Variants in ABL1 observed in about 807,000 individuals in gnomAD.
ABL1 encodes the protein ABL proto-oncogene 1, non-receptor tyrosine kinase, also known as tyrosine-protein kinase ABL1.
A neutral mutation model predicts 94.7 loss-of-function variants in ABL1; 11 were observed. That is an observed-to-expected ratio of 0.12 (90% CI 0.07 to 0.19). The LOEUF (loss-of-function observed/expected upper bound fraction) is 0.19. Ranked by LOEUF, ABL1 falls within the 10% of genes least tolerant of loss-of-function variation. The probability of loss-of-function intolerance (pLI) is 1.00; values close to 1 mark genes in which losing one functional copy is unlikely to be tolerated. For synonymous variants in ABL1, 656 were observed against 622.4 expected, an observed-to-expected ratio of 1.05 and a Z score of -0.80; for missense variants, 1,082 against 1,489.4, an observed-to-expected ratio of 0.73 and a Z score of 4.50.
chr9:130,857,722 A>C (rs182141357), intron 3 of ABL1, among the ~76,000 whole-genome samples: 1 of 151,768 alleles, frequency 6.6e-6, no homozygotes, highest in African/African-American at 2.4e-5. Context: ...TTTTCTTCAC[A>C]TCCCAAAGTC....
At chr9:130,753,483 TG>T (rs1451856866) in intron 1 of ABL1, among the ~76,000 whole-genome samples, 1 of 139,298 alleles carries the variant, frequency 7.2e-6, no homozygotes, top group African/African-American at 2.7e-5. Flanking sequence ...TGGAGTGCAG[TG>T]GTGCAATCTT....
intron 1 of ABL1, among the ~76,000 whole-genome samples, chr9:130,837,844 G>A (rs1029016142): frequency 6.6e-6 from 1 of 152,166 alleles, no homozygotes; most frequent in Non-Finnish European, 1.5e-5. Context: ...AATCAGTGTC[G>A]ATCAGTCAGT....
intron 1 of ABL1, among the ~76,000 whole-genome samples, chr9:130,825,981 G>A (rs570098905): frequency 2.8e-4 from 42 of 152,176 alleles, no homozygotes; most frequent in Non-Finnish European, 4.0e-4. Context: ...GTACCTAGTA[G>A]GTGTCATGTC....
intron 4 of ABL1, among the ~76,000 whole-genome samples, chr9:130,869,630 A>G (rs1831219190): frequency 6.6e-6 from 1 of 152,242 alleles, no homozygotes; most frequent in South Asian, 2.1e-4. Flanking sequence ...GACCAGGCTG[A>G]AAATTCATAG....
rs766806729 is a variant in ABL1 at position 130,884,890 on chromosome 9, A to G, written c.2600A>G (p.Lys867Arg). ...AGSGAPGGTSKGPAEESRVRR... is the reference protein window; with the variant it reads ...AGSGAPGGTSRGPAEESRVRR... Reference sequence around the variant, plus strand: ...TCAGGTGCACCAGGGGGCACCAGCAAGGGCCCCGCCGAGGAGTCCAGAGTG... The same window carrying G: ...TCAGGTGCACCAGGGGGCACCAGCAGGGGCCCCGCCGAGGAGTCCAGAGTG... Residue 867 changes from lysine to arginine, a missense_variant, in exon 11 of 11, where the codon AAG becomes AGG. Around this residue, in one of 7 missense-constraint regions of ABL1, gnomAD observed 780 missense variants for 835.8 expected, o/e 0.93. Coordinates refer to ENST00000318560, the MANE Select transcript of ABL1 (RefSeq NM_005157.6). This position sits in a 1 kb window ranked among gnomAD's most constrained non-coding sequence, Gnocchi z 5.6. 1.8e-5 allele frequency: 29 copies of G among 1,608,964 alleles called. No homozygotes were observed. The African/African-American group carries it at 2.7e-4, about 15-fold the overall frequency.
intron 1 of ABL1, among the ~76,000 whole-genome samples, chr9:130,804,830 C>T (rs1830104634): frequency 6.6e-6 from 1 of 152,092 alleles, no homozygotes; most frequent in Admixed American, 6.5e-5. Context: ...CAGAAGGATG[C>T]ATAGACTTGT....
intron 1 of ABL1, among the ~76,000 whole-genome samples, chr9:130,828,632 A>G (rs1830457508): frequency 6.6e-6 from 1 of 152,166 alleles, no homozygotes; most frequent in Non-Finnish European, 1.5e-5. Context: ...GCTTGAACCC[A>G]GGAGGCAGAA....
intron 1 of ABL1, among the ~76,000 whole-genome samples, chr9:130,808,471 T>C (rs560583086): frequency 4.6e-5 from 7 of 152,236 alleles, no homozygotes; most frequent in African/African-American, 1.7e-4. Context: ...CTCGAACTCC[T>C]GACCTCAGGT....
chr9:130,759,313 G>A (rs930696618), intron 1 of ABL1, among the ~76,000 whole-genome samples: 2 of 152,156 alleles, frequency 1.3e-5, no homozygotes, highest in Non-Finnish European at 2.9e-5. Flanking sequence ...GCCGGTCATT[G>A]CACTCCTCAT....
intron 1 of ABL1, among the ~76,000 whole-genome samples, chr9:130,722,693 A>G (rs1197483178): frequency 4.6e-5 from 7 of 152,276 alleles, no homozygotes; most frequent in Non-Finnish European, 8.8e-5. Context: ...GTTGTTTCCA[A>G]TAGTCTAATA....
Position 130,814,222 on chromosome 9 carries a change from G to A in ABL1, c.137-39842G>A, listed in dbSNP as rs143047629. 5.3e-4 allele frequency among the ~76,000 whole-genome samples: 80 copies of A among 152,152 alleles called. No individual in the cohort carries two copies. The highest frequency in any genetic ancestry group is 1.8e-3 in the African/African-American group (76 of 41,518). On this transcript the variant is annotated intron_variant, in intron 1 of 10. Transcript: ENST00000372348. The surrounding 1 kb of genome is among the most constrained non-coding windows in gnomAD (Gnocchi z 4.4). ...GAATCGCTTTAACCAGGGAGTCGGA[G>A]GTTGCAGTGAACCGAGATCGCGCCA...
intron 1 of ABL1, among the ~76,000 whole-genome samples, chr9:130,812,212 A>AT (rs1257161701): frequency 2.0e-5 from 3 of 150,402 alleles, no homozygotes; most frequent in Admixed American, 1.3e-4. Flanking sequence ...AAAAAAAAAA[A>AT]AAAAAAAAAA....
intron 1 of ABL1, among the ~76,000 whole-genome samples, chr9:130,816,991 C>G (rs915109054): frequency 3.3e-5 from 5 of 152,250 alleles, no homozygotes; most frequent in African/African-American, 1.2e-4. Flanking sequence ...CAGGCGTGAG[C>G]CACCGCCTGG....
chr9:130,739,194 C>T (rs532695976), intron 1 of ABL1, among the ~76,000 whole-genome samples: 11 of 152,074 alleles, frequency 7.2e-5, no homozygotes, highest in East Asian at 1.9e-4. Context: ...GTGCCTGGCC[C>T]GATATGTGTC....
chr9:130,792,089 A>T (rs1163372074), intron 1 of ABL1, among the ~76,000 whole-genome samples: 1 of 152,148 alleles, frequency 6.6e-6, no homozygotes, highest in Non-Finnish European at 1.5e-5. Flanking sequence ...TTAAACCGAG[A>T]CAGGATGCAA....
In ABL1 at chr9:130,849,548, C is replaced by G. The variant is rs191998412; in HGVS notation, c.80-4516C>G. ...TTTTTGTTTTTTTTTGAGACGATGT[C>G]TCACTCTGTTGCCCAGGCAGAGTGC... On this transcript the variant is annotated intron_variant, in intron 1 of 10. Coordinates refer to ENST00000318560, the MANE Select transcript of ABL1 (RefSeq NM_005157.6). Among the ~76,000 whole-genome samples, 493 of 152,104 alleles carry G rather than the reference C, an allele frequency of 3.2e-3. 17 individuals carry two copies. The South Asian group carries it at 0.071, about 22-fold the overall frequency.
chr9:130,848,459 A>T (rs1830808086), intron 1 of ABL1, among the ~76,000 whole-genome samples: 1 of 149,428 alleles, frequency 6.7e-6, no homozygotes, highest in African/African-American at 2.5e-5. Flanking sequence ...TGGAGGTTGC[A>T]GTGAGCCTAG....
At chr9:130,853,710 C>A (rs763445126) in intron 1 of ABL1, among the ~76,000 whole-genome samples, 6 of 152,176 alleles carry the variant, frequency 3.9e-5, no homozygotes, top group Non-Finnish European at 5.9e-5. Flanking sequence ...CCACCATGCC[C>A]GGCTAAAGCA....
chr9:130,715,465 T>A (rs890490853), intron 1 of ABL1, among the ~76,000 whole-genome samples: 1 of 152,238 alleles, frequency 6.6e-6, no homozygotes, highest in Non-Finnish European at 1.5e-5. Flanking sequence ...AACTTGCATT[T>A]GACAGCTGAA....
Sources: gnomAD v4.1 joint callset for allele counts (sites outside exome capture counted in the v4.1 genomes callset) on GRCh38, gnomAD v4.1.1 for gene constraint, gnomAD v4.1.1 regional missense constraint, Gnocchi (gnomAD v3.1) non-coding constraint, MANE v1.5 for transcripts, NCBI Gene and HGNC (gene_info 2026-07-23, HGNC 2026-07-21) for gene names.